Variants in COL4A2 observed in about 807,000 individuals in gnomAD.
The protein encoded by COL4A2 is collagen alpha-2(IV) chain.
A neutral mutation model predicts 200.2 loss-of-function variants in COL4A2; 99 were observed. That is an observed-to-expected ratio of 0.49 (90% CI 0.42 to 0.58). The LOEUF is 0.58. COL4A2 is among the 20% of genes least tolerant of loss of function. The pLI, the probability that COL4A2 is intolerant of heterozygous loss-of-function variation, is 0.00. For missense variants in COL4A2, 1,950 were observed against 2,314.1 expected (o/e 0.84, Z 3.23); for synonymous variants, 897 against 900.6 (o/e 1.00, Z 0.07).
At chr13:110,347,206 CT>C (rs1188359868) in intron 3 of COL4A2, among the ~76,000 whole-genome samples, 1 of 152,234 alleles carries the variant, frequency 6.6e-6, no homozygotes, top group African/African-American at 2.4e-5. Context: ...CTGAGATCAT[CT>C]CTAGCCCAGG....
chr13:110,391,593 C>G (rs547425078), intron 4 of COL4A2, among the ~76,000 whole-genome samples: 2 of 152,358 alleles, frequency 1.3e-5, no homozygotes, highest in African/African-American at 4.8e-5. Flanking sequence ...AGATCTTCCT[C>G]TGAAAATTGG....
rs746869541 is a variant in COL4A2, at chr13:110,485,832, GC to G, written c.3205del (p.Arg1069GlyfsTer29). 40 of 1,613,484 alleles carry G rather than the reference GC, an allele frequency of 2.5e-5. No individual in the cohort carries two copies. The South Asian group carries it at 4.3e-4, about 17-fold the overall frequency. ...GITGFPGFIG[S>X]RGDKGAPGRA... ...ACGGGATTCCCAGGATTCATAGGAA[GC>G]CGGGTGAGTGGGCGTCTTTTACTCC... On this transcript the variant is annotated frameshift_variant, in exon 34 of 48. Coordinates refer to ENST00000360467, the MANE Select transcript of COL4A2 (RefSeq NM_001846.4). LOFTEE classifies it high-confidence loss of function.
At chr13:110,460,943 A>G (rs775140071) in intron 22 of COL4A2, among the ~76,000 whole-genome samples, 2 of 152,220 alleles carry the variant, frequency 1.3e-5, no homozygotes, top group Non-Finnish European at 2.9e-5. Flanking sequence ...TCTAGAAGGG[A>G]AACTCCCAAT....
intron 36 of COL4A2, among the ~76,000 whole-genome samples, chr13:110,490,727 C>A (rs1266800223): frequency 6.6e-6 from 1 of 152,216 alleles, no homozygotes; most frequent in Non-Finnish European, 1.5e-5. Flanking sequence ...TTTATAAACA[C>A]AGAAACGTGG....
At chr13:110,492,933 A>G (rs1285036697) in intron 38 of COL4A2, among the ~76,000 whole-genome samples, 2 of 152,188 alleles carry the variant, frequency 1.3e-5, no homozygotes, top group Non-Finnish European at 2.9e-5. Flanking sequence ...TATGGGTGAC[A>G]GTATCAGGTG....
chr13:110,491,177 G>A (rs1883271251), intron 36 of COL4A2, 56 bp from the exon 37 acceptor site: 1 of 1,287,920 alleles, frequency 7.8e-7, no homozygotes, highest in Admixed American at 2.0e-5. Context: ...GGGGTTCCAG[G>A]GAACCCACAG....
chr13:110,438,460 C>T (rs1309953512), intron 14 of COL4A2, 158 bp from the exon 15 acceptor site: 6 of 962,444 alleles, frequency 6.2e-6, no homozygotes, highest in South Asian at 1.3e-5. Flanking sequence ...CTCCTAGGAC[C>T]GTGCCCTGCA....
chr13:110,384,629 TCTC>T (rs1397192128), intron 4 of COL4A2, among the ~76,000 whole-genome samples: 1 of 152,176 alleles, frequency 6.6e-6, no homozygotes, highest in Non-Finnish European at 1.5e-5. Context: ...TATCTGACTG[TCTC>T]CTGCTCATGC....
At chr13:110,358,562 A>C (rs773966691) in intron 4 of COL4A2, among the ~76,000 whole-genome samples, 18 of 152,262 alleles carry the variant, frequency 1.2e-4, no homozygotes, top group Admixed American at 4.6e-4. Context: ...CTGCATGTCC[A>C]CACTTTGATG....
At chr13:110,468,337 A>G (rs556677763) in intron 27 of COL4A2, 1 of 471,230 alleles carries the variant, frequency 2.1e-6, no homozygotes, top group Admixed American at 2.3e-5. Context: ...CCATCCATGG[A>G]TTTCAACACC....
At chr13:110,376,485 A>C (rs1200738225) in intron 4 of COL4A2, among the ~76,000 whole-genome samples, 1 of 152,168 alleles carries the variant, frequency 6.6e-6, no homozygotes, top group Non-Finnish European at 1.5e-5. Flanking sequence ...CACCCAAAAA[A>C]AAATCACTAT....
At chr13:110,351,350 C>G (rs1161926430) in intron 3 of COL4A2, among the ~76,000 whole-genome samples, 1 of 152,200 alleles carries the variant, frequency 6.6e-6, no homozygotes, top group African/African-American at 2.4e-5. Flanking sequence ...GCTGGGATTA[C>G]AGGCATGAGC....
At chr13:110,504,295 G>A (rs1303109718) in intron 45 of COL4A2, 31 bp downstream of exon 45, 2 of 1,529,534 alleles carry the variant, frequency 1.3e-6, no homozygotes, top group East Asian at 2.2e-5. Flanking sequence ...ACCTTCCCAG[G>A]TCCTAGTGCT....
At chr13:110,492,251 C>T in intron 38 of COL4A2, 74 bp downstream of exon 38, 1 of 1,324,922 alleles carries the variant, frequency 7.5e-7, no homozygotes, top group Admixed American at 2.2e-5. Context: ...CTGAGCAGGC[C>T]AGCCTCTCTC....
intron 18 of COL4A2, among the ~76,000 whole-genome samples, 157 bp from the exon 19 acceptor site, chr13:110,449,520 AAG>A (rs1881452552): frequency 6.6e-6 from 1 of 152,238 alleles, no homozygotes; most frequent in African/African-American, 2.4e-5. Flanking sequence ...GCCCCTTAAA[AAG>A]AGAGACCACC....
chr13:110,404,622 A>G (rs1296960461), intron 4 of COL4A2, among the ~76,000 whole-genome samples: 1 of 151,834 alleles, frequency 6.6e-6, no homozygotes, highest in Admixed American at 6.5e-5. Context: ...TGTGTGTAAG[A>G]AGAAGAGCAG....
intron 4 of COL4A2, among the ~76,000 whole-genome samples, chr13:110,398,741 G>T (rs930232033): frequency 1.3e-5 from 2 of 151,944 alleles, no homozygotes; most frequent in African/African-American, 4.8e-5. Context: ...AAGGAAGAAA[G>T]AATCAAATAA....
intron 10 of COL4A2, chr13:110,431,015 T>C (rs1250188290): frequency 2.5e-6 from 1 of 401,082 alleles, no homozygotes; most frequent in Non-Finnish European, 5.0e-6. Flanking sequence ...CCTGGGCTCA[T>C]TACAGCAGGT....
At chr13:110,414,768 C>T (rs940792714) in intron 4 of COL4A2, among the ~76,000 whole-genome samples, 9 of 152,170 alleles carry the variant, frequency 5.9e-5, no homozygotes, top group Non-Finnish European at 1.2e-4. Context: ...AAGACTCTTG[C>T]TAGGGAATGA....
Sources: gnomAD v4.1 joint callset for allele counts (sites outside exome capture counted in the v4.1 genomes callset) on GRCh38, gnomAD v4.1.1 for gene constraint, MANE v1.5 for transcripts, NCBI Gene and HGNC (gene_info 2026-07-23, HGNC 2026-07-21) for gene names.